Variants in ZNF704 observed in about 807,000 individuals in gnomAD.
ZNF704 encodes zinc finger protein 704.
A neutral mutation model predicts 44.7 loss-of-function variants in ZNF704; 10 were observed. The observed-to-expected ratio is 0.22, with a 90% CI of 0.14 to 0.38. ZNF704 has a LOEUF of 0.38. ZNF704 is among the 10% of genes least tolerant of loss of function. ZNF704 has a pLI of 1.00. For missense variants in ZNF704, 390 were observed against 545.5 expected (o/e 0.71, Z 2.84); for synonymous variants, 211 against 207.6 (o/e 1.02, Z -0.14).
rs542430617 is a variant in ZNF704 at position 80,861,908 on chromosome 8, T to C, written c.-22+12663A>G. ...TCTTCTCCTTCTCCATACAATCCCA[T>C]CTCAGTAATACACCACTATCCACAA... On this transcript the variant is annotated intron_variant, in intron 1 of 8. Transcript: ENST00000327835. Among the ~76,000 whole-genome samples, 82 of 148,000 alleles carry C rather than the reference T, an allele frequency of 5.5e-4. 1 individual carries two copies. Among genetic ancestry groups the C allele is most frequent in the African/African-American group, 1.9e-3 (78 of 40,204 alleles).
At chr8:80,663,534 G>T (rs1480510773) in intron 6 of ZNF704, among the ~76,000 whole-genome samples, 2 of 152,094 alleles carry the variant, frequency 1.3e-5, no homozygotes, top group African/African-American at 4.8e-5. Flanking sequence ...ACAGAGGAGG[G>T]TGTGGAAGAG....
At chr8:80,659,474 T>C (rs1426114123) in intron 7 of ZNF704, 111 bp downstream of exon 7, 38 of 848,174 alleles carry the variant, frequency 4.5e-5, no homozygotes, top group Non-Finnish European at 7.4e-5. Context: ...AATATAGTAC[T>C]TCTGGCATTC....
At chr8:80,758,891 G>A (rs905749780) in intron 2 of ZNF704, among the ~76,000 whole-genome samples, 1 of 152,110 alleles carries the variant, frequency 6.6e-6, no homozygotes, top group African/African-American at 2.4e-5. Context: ...AAATATGGTA[G>A]TATTATCCCC....
chr8:80,792,971 T>G (rs1386302901), intron 2 of ZNF704, among the ~76,000 whole-genome samples: 2 of 152,114 alleles, frequency 1.3e-5, no homozygotes, highest in Admixed American at 6.6e-5. Context: ...ATCCAATAGG[T>G]TTGGGAGTAA....
intron 2 of ZNF704, among the ~76,000 whole-genome samples, chr8:80,813,847 C>T (rs1808131495): frequency 2.0e-5 from 3 of 151,924 alleles, no homozygotes; most frequent in African/African-American, 7.3e-5. Context: ...CCACTGCACT[C>T]CAGCCTGGGC....
At chr8:80,743,736 A>G (rs1276353745) in intron 2 of ZNF704, among the ~76,000 whole-genome samples, 1 of 152,186 alleles carries the variant, frequency 6.6e-6, no homozygotes, top group Non-Finnish European at 1.5e-5. Flanking sequence ...ACCCAATGTG[A>G]CCTCAAACAG....
At chr8:80,690,725 T>C (rs116510869) in intron 3 of ZNF704, among the ~76,000 whole-genome samples, 2 of 152,244 alleles carry the variant, frequency 1.3e-5, no homozygotes, top group African/African-American at 4.8e-5. Context: ...AGAGGAGGTG[T>C]CGGCTAGGTA....
chr8:80,667,034 T>A (rs1585936204), intron 5 of ZNF704, among the ~76,000 whole-genome samples: 1 of 151,994 alleles, frequency 6.6e-6, no homozygotes, highest in Non-Finnish European at 1.5e-5. Context: ...TCTGAGGAGG[T>A]GACGTTTGAG....
intron 2 of ZNF704, among the ~76,000 whole-genome samples, chr8:80,798,491 G>A (rs2129782463): frequency 6.6e-6 from 1 of 152,270 alleles, no homozygotes; most frequent in Middle Eastern, 3.4e-3. Flanking sequence ...TCAACCTCAG[G>A]TGATCTGCCC....
chr8:80,866,254 T>G (rs1400052490), intron 1 of ZNF704, among the ~76,000 whole-genome samples: 1 of 152,188 alleles, frequency 6.6e-6, no homozygotes, highest in African/African-American at 2.4e-5. Context: ...TCATTAGGGA[T>G]AAAGAGGAAA....
rs73262545 is a variant in ZNF704, at chr8:80,793,379, G to A, written c.221+27995C>T. Among the ~76,000 whole-genome samples, 658 of 152,212 alleles carry A rather than the reference G, an allele frequency of 4.3e-3. 3 individuals are homozygous for A. Among genetic ancestry groups the A allele is most frequent in the African/African-American group, 0.015 (605 of 41,528 alleles). On this transcript the variant is annotated intron_variant, in intron 2 of 8. Coordinates refer to ENST00000327835, the MANE Select transcript of ZNF704 (RefSeq NM_001033723.3). ...TATGATGGGCTCAAGACTCAGATGG[G>A]AGAGATAAACCCCAAAAAAGTGGCA...
chr8:80,663,310 G>A (rs963106902), intron 6 of ZNF704, among the ~76,000 whole-genome samples: 1 of 150,518 alleles, frequency 6.6e-6, no homozygotes, highest in Non-Finnish European at 1.5e-5. Flanking sequence ...GAGCCCAGGA[G>A]TTCGAGGCTG....
intron 5 of ZNF704, among the ~76,000 whole-genome samples, chr8:80,666,556 G>A (rs1303677921): frequency 6.7e-6 from 1 of 149,014 alleles, no homozygotes; most frequent in Non-Finnish European, 1.5e-5. Flanking sequence ...TTCCACAATG[G>A]TTGAACTAGT....
chr8:80,845,616 G>A (rs1808756027), intron 1 of ZNF704, among the ~76,000 whole-genome samples: 1 of 152,188 alleles, frequency 6.6e-6, no homozygotes, highest in South Asian at 2.1e-4. Flanking sequence ...TAGTAAAACA[G>A]TAAGAAGCTA....
intron 2 of ZNF704, chr8:80,814,127 T>C (rs766800607): frequency 6.6e-6 from 1 of 152,198 alleles, no homozygotes. Flanking sequence ...CACCGTTCCA[T>C]TCAATGAAAT....
At position 80,656,191 on chromosome 8, in the gene ZNF704, CTCTCTCTCTT is replaced by C. The variant is rs1262862917; in HGVS notation, c.1032+3384_1032+3393del. Among the ~76,000 whole-genome samples the C allele has an allele frequency of 7.2e-5, 11 of 152,270 alleles. No individual in the cohort carries two copies. In the East Asian group the frequency reaches 1.4e-3, roughly 19 times the overall value. On this transcript the variant is annotated intron_variant, in intron 7 of 8. Transcript: ENST00000327835. Reference sequence around the variant, plus strand: ...TTGTGCTCTCTCTCTCGATTTCTCTCTCTCTCTCTTTCTCTCTCGACTGTGCATGCACAGT... The same window carrying C: ...TTGTGCTCTCTCTCTCGATTTCTCTCTCTCTCTCGACTGTGCATGCACAGT...
chr8:80,761,939 T>A (rs915015413), intron 2 of ZNF704, among the ~76,000 whole-genome samples: 3 of 152,246 alleles, frequency 2.0e-5, no homozygotes, highest in African/African-American at 7.2e-5. Flanking sequence ...GTCACCACCA[T>A]ATATGCAGTT....
chr8:80,823,027 G>C (rs1482979083), intron 1 of ZNF704, among the ~76,000 whole-genome samples: 1 of 152,170 alleles, frequency 6.6e-6, no homozygotes, highest in African/African-American at 2.4e-5. Flanking sequence ...GAGTGATGCA[G>C]AAGACAGGGG....
At chr8:80,655,746 C>T (rs1011729789) in intron 7 of ZNF704, among the ~76,000 whole-genome samples, 3 of 152,104 alleles carry the variant, frequency 2.0e-5, no homozygotes, top group Admixed American at 6.5e-5. Context: ...AAGTTTTTCT[C>T]TTAAGAGGGA....
Sources: allele counts gnomAD v4.1 joint callset (sites outside exome capture counted in the v4.1 genomes callset), GRCh38; gene constraint gnomAD v4.1.1; transcripts MANE v1.5; gene names NCBI Gene and HGNC (gene_info 2026-07-23, HGNC 2026-07-21).